Variants in EYS observed in about 807,000 individuals in gnomAD.
EYS encodes the protein protein eyes shut homolog.
EYS carries 250 observed loss-of-function variants against 282.1 expected under a neutral mutation model. The observed-to-expected ratio is 0.89, with a 90% CI of 0.80 to 0.98. EYS has a LOEUF of 0.98. Among genes scored for constraint, EYS ranks in the 50% least tolerant of loss-of-function variants. The probability of loss-of-function intolerance (pLI) is 0.00; values close to 1 mark genes in which losing one functional copy is unlikely to be tolerated. For missense variants in EYS, 4,016 were observed against 3,709.0 expected (o/e 1.08, Z -2.15); for synonymous variants, 1,355 against 1,282.9 (o/e 1.06, Z -1.20).
intron 2 of EYS, among the ~76,000 whole-genome samples, chr6:65,603,962 G>T (rs1765693908): frequency 6.6e-6 from 1 of 151,736 alleles, no homozygotes; most frequent in Non-Finnish European, 1.5e-5. Flanking sequence ...TCATGTTTTA[G>T]ATTTTTTTCC....
chr6:64,697,078 C>T (rs915531891), intron 22 of EYS, among the ~76,000 whole-genome samples: 1 of 151,988 alleles, frequency 6.6e-6, no homozygotes, highest in Non-Finnish European at 1.5e-5. Flanking sequence ...TTGAATATAA[C>T]TGGATTTAAT....
At chr6:64,663,802 G>T (rs1316859909) in intron 22 of EYS, among the ~76,000 whole-genome samples, 1 of 152,232 alleles carries the variant, frequency 6.6e-6, no homozygotes, top group Non-Finnish European at 1.5e-5. Flanking sequence ...TCTGACCTGG[G>T]GTTCTTGGCC....
intron 6 of EYS, 62 bp from the exon 7 acceptor site, chr6:65,402,667 G>T (rs1237893590): frequency 1.8e-6 from 2 of 1,100,462 alleles, no homozygotes; most frequent in East Asian, 2.5e-5. Flanking sequence ...GTAATGAATG[G>T]GTTCTTACCT....
chr6:63,817,205 A>T (rs1173722733), intron 36 of EYS, among the ~76,000 whole-genome samples: 1 of 152,238 alleles, frequency 6.6e-6, no homozygotes, highest in Non-Finnish European at 1.5e-5. Flanking sequence ...GCTTATCAGC[A>T]TCCACAAGAG....
Position 65,154,326 on chromosome 6 carries a change from G to T in EYS, c.2024-96599C>A, listed in dbSNP as rs1486831982. Reference sequence around the variant, plus strand: ...TTTCAAAAGAAAGGAGCAAAGAAAAGGTGGAAGGAAGAAAAGAAAGGAGTG... The same window carrying T: ...TTTCAAAAGAAAGGAGCAAAGAAAATGTGGAAGGAAGAAAAGAAAGGAGTG... On this transcript the variant is annotated intron_variant, in intron 12 of 42. Transcript: ENST00000503581. Among the ~76,000 whole-genome samples, 3 of 151,266 alleles carry T rather than the reference G, an allele frequency of 2.0e-5. No individual in the cohort carries two copies. The Admixed American group carries it at 2.0e-4, about 10-fold the overall frequency.
intron 19 of EYS, among the ~76,000 whole-genome samples, chr6:64,843,688 G>A (rs1583215387): frequency 6.6e-6 from 1 of 152,204 alleles, no homozygotes; most frequent in Non-Finnish European, 1.5e-5. Flanking sequence ...TAGGCAGAAG[G>A]GACTTGCCTT....
At chr6:65,270,535 T>G (rs149469740) in intron 12 of EYS, among the ~76,000 whole-genome samples, 380 of 152,292 alleles carry the variant, frequency 2.5e-3, no homozygotes, top group African/African-American at 8.4e-3. Context: ...CTCATTTTTT[T>G]TGTGATATGG....
At chr6:64,630,906 C>T (rs1391264558) in intron 22 of EYS, among the ~76,000 whole-genome samples, 1 of 152,120 alleles carries the variant, frequency 6.6e-6, no homozygotes, top group Non-Finnish European at 1.5e-5. Flanking sequence ...GGAAATTGTG[C>T]TACTTATATT....
intron 30 of EYS, among the ~76,000 whole-genome samples, chr6:64,244,150 G>T (rs1000340261): frequency 6.6e-6 from 1 of 151,950 alleles, no homozygotes; most frequent in Non-Finnish European, 1.5e-5. Flanking sequence ...TATATATCTG[G>T]TATAGAATTT....
intron 26 of EYS, among the ~76,000 whole-genome samples, chr6:64,447,011 TG>T (rs1443678131): frequency 4.6e-5 from 7 of 151,890 alleles, no homozygotes; most frequent in Non-Finnish European, 7.4e-5. Flanking sequence ...CATGTACATT[TG>T]CAACTTTTTC....
chr6:64,871,625 C>G (rs1184695431), intron 19 of EYS, among the ~76,000 whole-genome samples: 1 of 151,950 alleles, frequency 6.6e-6, no homozygotes, highest in Non-Finnish European at 1.5e-5. Context: ...TGTCTGCTCT[C>G]TTGGAGTCAA....
chr6:64,607,614 T>C (rs1462947769), intron 24 of EYS, among the ~76,000 whole-genome samples: 1 of 152,080 alleles, frequency 6.6e-6, no homozygotes, highest in African/African-American at 2.4e-5. Context: ...TCTTAGGGGT[T>C]AGAACTTCAA....
chr6:65,066,264 T>C (rs765692550), intron 12 of EYS, among the ~76,000 whole-genome samples: 70 of 152,216 alleles, frequency 4.6e-4, no homozygotes, highest in Non-Finnish European at 5.9e-4. Context: ...CCAGTGAAAT[T>C]ACATAAATTT....
At chr6:63,723,157 C>CT (rs1295037886) in intron 42 of EYS, among the ~76,000 whole-genome samples, 1 of 152,102 alleles carries the variant, frequency 6.6e-6, no homozygotes, top group Non-Finnish European at 1.5e-5. Flanking sequence ...AAAGCAAAAA[C>CT]TTTTTTCCTA....
At chr6:65,512,762 C>A (rs889432349) in intron 2 of EYS, among the ~76,000 whole-genome samples, 3 of 151,916 alleles carry the variant, frequency 2.0e-5, no homozygotes, top group East Asian at 1.9e-4. Flanking sequence ...ACACAGCATA[C>A]CAGAATCTCT....
At chr6:65,373,882 C>G (rs935997226) in intron 8 of EYS, among the ~76,000 whole-genome samples, 1 of 152,144 alleles carries the variant, frequency 6.6e-6, no homozygotes, top group South Asian at 2.1e-4. Context: ...CAGGCACATA[C>G]TGCTGAACTG....
intron 33 of EYS, among the ~76,000 whole-genome samples, chr6:64,028,993 G>A (rs1479687867): frequency 1.3e-5 from 2 of 152,118 alleles, no homozygotes; most frequent in African/African-American, 2.4e-5. Flanking sequence ...CAGTTGAGGG[G>A]GTTCCTTGGA....
chr6:63,919,820 T>C (rs1254481832), intron 35 of EYS, among the ~76,000 whole-genome samples: 2 of 152,234 alleles, frequency 1.3e-5, no homozygotes, highest in Non-Finnish European at 2.9e-5. Context: ...TCACATAATT[T>C]TTTGTGTGCT....
At chr6:65,142,538 T>G (rs145756352) in intron 12 of EYS, among the ~76,000 whole-genome samples, 6 of 147,462 alleles carry the variant, frequency 4.1e-5, no homozygotes, top group African/African-American at 1.5e-4. Context: ...AATACTAATT[T>G]CTTGATTTCA....
Sources: gnomAD v4.1 joint callset for allele counts (sites outside exome capture counted in the v4.1 genomes callset) on GRCh38, gnomAD v4.1.1 for gene constraint, MANE v1.5 for transcripts, NCBI Gene and HGNC (gene_info 2026-07-23, HGNC 2026-07-21) for gene names.